Variants in CPED1 observed in about 807,000 individuals in gnomAD.
The protein encoded by CPED1 is cadherin like and PC-esterase domain containing 1.
Under a neutral mutation model 128.2 loss-of-function variants are expected in CPED1, and 114 were observed. The ratio of observed to expected loss-of-function variants is 0.89; its 90% CI spans 0.76 to 1.04. CPED1 has a LOEUF of 1.04. Ranked by LOEUF, CPED1 falls within the 50% of genes least tolerant of loss-of-function variation. The pLI, the probability that CPED1 is intolerant of heterozygous loss-of-function variation, is 0.00. For missense variants in CPED1, 1,211 were observed against 1,207.1 expected (o/e 1.00, Z -0.05); for synonymous variants, 462 against 426.7 (o/e 1.08, Z -1.02).
chr7:121,070,178 T>C (rs918373289), intron 5 of CPED1, among the ~76,000 whole-genome samples: 1 of 149,104 alleles, frequency 6.7e-6, no homozygotes, highest in African/African-American at 2.4e-5. Context: ...CAAAATAATA[T>C]AATTAATATA....
At chr7:121,011,091 T>C (rs1314335294) in intron 2 of CPED1, among the ~76,000 whole-genome samples, 1 of 152,162 alleles carries the variant, frequency 6.6e-6, no homozygotes, top group African/African-American at 2.4e-5. Flanking sequence ...GCAATTTAAC[T>C]TTTAGTCATA....
intron 16 of CPED1, among the ~76,000 whole-genome samples, chr7:121,155,987 T>C (rs1482322390): frequency 6.6e-6 from 1 of 151,896 alleles, no homozygotes; most frequent in East Asian, 1.9e-4. Context: ...TGTAAACAAC[T>C]CAAACAACTC....
At chr7:121,003,539 T>G (rs1315603154) in intron 2 of CPED1, among the ~76,000 whole-genome samples, 1 of 152,202 alleles carries the variant, frequency 6.6e-6, no homozygotes, top group Non-Finnish European at 1.5e-5. Context: ...AATTTTTGAT[T>G]GTAGGAGCAA....
At chr7:121,243,727 A>G (rs1209732178) in intron 17 of CPED1, among the ~76,000 whole-genome samples, 1 of 152,232 alleles carries the variant, frequency 6.6e-6, no homozygotes, top group Non-Finnish European at 1.5e-5. Context: ...ATAATAAATT[A>G]TCATCATACT....
At chr7:121,013,062 G>T (rs2116803976) in intron 2 of CPED1, among the ~76,000 whole-genome samples, 1 of 152,296 alleles carries the variant, frequency 6.6e-6, no homozygotes, top group Admixed American at 6.5e-5. Context: ...GTGACATGGG[G>T]ATTCTGGATA....
chr7:121,148,274 A>G (rs1030639405), intron 16 of CPED1, among the ~76,000 whole-genome samples: 3 of 152,182 alleles, frequency 2.0e-5, no homozygotes, highest in Admixed American at 6.6e-5. Context: ...GAAATATGCT[A>G]TGTGCTATAG....
chr7:121,079,231 C>A (rs934090914), intron 5 of CPED1, among the ~76,000 whole-genome samples: 7 of 151,994 alleles, frequency 4.6e-5, no homozygotes, highest in Non-Finnish European at 8.8e-5. Flanking sequence ...CAGAAGGCTG[C>A]GAGTAGCAGA....
At chr7:121,032,033 G>T (rs1331398202) in intron 3 of CPED1, among the ~76,000 whole-genome samples, 1 of 152,124 alleles carries the variant, frequency 6.6e-6, no homozygotes, top group African/African-American at 2.4e-5. Flanking sequence ...CTCATACATT[G>T]CTTGTGGAAA....
chr7:121,202,913 C>T (rs574952522), intron 16 of CPED1, among the ~76,000 whole-genome samples: 2 of 152,132 alleles, frequency 1.3e-5, no homozygotes, highest in African/African-American at 4.8e-5. Context: ...GCTTATAGAC[C>T]CAGTGAGTTT....
At chr7:121,280,038 A>T (rs2116770544) in intron 22 of CPED1, among the ~76,000 whole-genome samples, 1 of 152,296 alleles carries the variant, frequency 6.6e-6, no homozygotes, top group Admixed American at 6.5e-5. Context: ...CATCAGTTGG[A>T]AATGTTAGTC....
chr7:121,241,372 A>G, intron 17 of CPED1, among the ~76,000 whole-genome samples: 1 of 47,098 alleles, frequency 2.1e-5, no homozygotes, highest in East Asian at 2.6e-4. Context: ...AAAAAAAAAA[A>G]AAAAAAAAAA....
chr7:121,056,384 C>A (rs1238496810), intron 4 of CPED1, among the ~76,000 whole-genome samples: 4 of 152,088 alleles, frequency 2.6e-5, no homozygotes, highest in African/African-American at 9.7e-5. Context: ...AAAAAAACAA[C>A]AAACATTCAT....
rs188723340 is a variant in CPED1 at position 121,099,453 on chromosome 7, C to T, written c.750-473C>T. On this transcript the variant is annotated intron_variant, in intron 6 of 22. Coordinates refer to ENST00000310396, the MANE Select transcript of CPED1 (RefSeq NM_024913.5). Reference sequence around the variant, plus strand: ...TGCAATCTCAGCTCAGTGCAACCTGCGCCTCCCAGGTTCAAGTGATTCTCC... The same window carrying T: ...TGCAATCTCAGCTCAGTGCAACCTGTGCCTCCCAGGTTCAAGTGATTCTCC... 4.8e-3 allele frequency among the ~76,000 whole-genome samples: 737 copies of T among 152,212 alleles called. 8 individuals are homozygous for T. Among genetic ancestry groups the T allele is most frequent in the African/African-American group, 0.017 (704 of 41,540 alleles).
At chr7:121,194,681 C>T (rs907428678) in intron 16 of CPED1, among the ~76,000 whole-genome samples, 4 of 151,988 alleles carry the variant, frequency 2.6e-5, no homozygotes, top group African/African-American at 4.8e-5. Context: ...TCTAATGTCT[C>T]GTAAAATAAG....
In CPED1 at chr7:121,143,869, G is replaced by A. The variant is rs9690961; in HGVS notation, c.2055+1728G>A. Among the ~76,000 whole-genome samples, 1,208 of 151,810 alleles carry A rather than the reference G, an allele frequency of 8.0e-3. 22 individuals carry two copies. The highest frequency in any genetic ancestry group is 0.025 in the African/African-American group (1,053 of 41,458). On this transcript the variant is annotated intron_variant, in intron 16 of 22. Transcript: ENST00000310396. ...AAAGACACACACACACAAAATCTTC[G>A]TATTGGTTTTATTCATAGTAGCTAA...
At chr7:121,095,327 GATA>G (rs1794673134) in intron 5 of CPED1, among the ~76,000 whole-genome samples, 1 of 152,116 alleles carries the variant, frequency 6.6e-6, no homozygotes, top group South Asian at 2.1e-4. Flanking sequence ...TCTGTTAAAT[GATA>G]GCCTAGGACA....
intron 7 of CPED1, among the ~76,000 whole-genome samples, chr7:121,114,045 T>G (rs553189285): frequency 6.6e-6 from 1 of 152,224 alleles, no homozygotes; most frequent in South Asian, 2.1e-4. Context: ...TTAGCCAGAA[T>G]GGTCTCGACC....
At chr7:121,119,227 TA>T (rs1210585169) in intron 7 of CPED1, among the ~76,000 whole-genome samples, 2 of 110,514 alleles carry the variant, frequency 1.8e-5, no homozygotes, top group Non-Finnish European at 3.7e-5. Flanking sequence ...TAGGACAATC[TA>T]AAAAAGATAT....
At chr7:121,170,397 G>A (rs549569566) in intron 16 of CPED1, among the ~76,000 whole-genome samples, 161 of 151,826 alleles carry the variant, frequency 1.1e-3, no homozygotes, top group African/African-American at 3.6e-3. Context: ...CTTGGCAAAA[G>A]GTCTTTTGTG....
Sources: gnomAD v4.1 joint callset for allele counts (sites outside exome capture counted in the v4.1 genomes callset) on GRCh38, gnomAD v4.1.1 for gene constraint, MANE v1.5 for transcripts, NCBI Gene and HGNC (gene_info 2026-07-23, HGNC 2026-07-21) for gene names.